Variants in OPRM1 observed in about 807,000 individuals in gnomAD.
OPRM1 encodes opioid receptor mu 1.
Under a neutral mutation model 31.8 loss-of-function variants are expected in OPRM1, and 27 were observed. The observed-to-expected ratio is 0.85, with a 90% CI of 0.63 to 1.17. The LOEUF (loss-of-function observed/expected upper bound fraction) is 1.17, where lower values mean the gene tolerates loss of function less well. OPRM1 is among the 50% of genes most tolerant of loss of function. The pLI is 0.00. For synonymous variants in OPRM1, 196 were observed against 189.9 expected (o/e 1.03, Z -0.26); for missense variants, 536 against 511.1 (o/e 1.05, Z -0.47).
chr6:154,231,566 G>A (rs1209334574), intron 3 of OPRM1, among the ~76,000 whole-genome samples: 3 of 152,218 alleles, frequency 2.0e-5, no homozygotes, highest in African/African-American at 4.8e-5. Flanking sequence ...CATACAACGC[G>A]TAGAGCAATC....
chr6:154,159,637 T>C (rs192193378), intron 3 of OPRM1: 6 of 592,396 alleles, frequency 1.0e-5, no homozygotes, highest in East Asian at 8.7e-5. Flanking sequence ...TCTCAATGGA[T>C]GCGTTACGAC....
At chr6:154,181,779 G>C (rs1179821806) in intron 3 of OPRM1, among the ~76,000 whole-genome samples, 6 of 152,136 alleles carry the variant, frequency 3.9e-5, no homozygotes, top group Non-Finnish European at 7.4e-5. Context: ...CAGCAATCTA[G>C]GACACAAACC....
At chr6:154,107,502 AG>A in intron 3 of OPRM1, 2 of 718,588 alleles carry the variant, frequency 2.8e-6, no homozygotes, top group South Asian at 3.0e-5. Flanking sequence ...GAAAATGCAA[AG>A]CCTTGGCCAC....
At chr6:154,107,706 C>T (rs1795802880) in intron 3 of OPRM1, 1 of 718,372 alleles carries the variant, frequency 1.4e-6, no homozygotes, top group Non-Finnish European at 2.6e-6. Context: ...GGTCAAGCTC[C>T]CAAGGTGGAG....
intron 3 of OPRM1, among the ~76,000 whole-genome samples, chr6:154,198,722 G>C (rs9322450): frequency 0.031 from 4,705 of 151,636 alleles, 220 homozygotes; most frequent in African/African-American, 0.11. Flanking sequence ...AATTAAATTA[G>C]CAGGGTACCC....
At chr6:154,103,107 G>A (rs1369076017) in intron 3 of OPRM1, among the ~76,000 whole-genome samples, 3 of 152,034 alleles carry the variant, frequency 2.0e-5, no homozygotes, top group African/African-American at 7.3e-5. Context: ...CTCTGAATGA[G>A]GTCAAATCTC....
At chr6:154,043,849 T>A (rs976343917) in intron 1 of OPRM1, among the ~76,000 whole-genome samples, 1 of 152,118 alleles carries the variant, frequency 6.6e-6, no homozygotes, top group African/African-American at 2.4e-5. Flanking sequence ...GAACTTTAAG[T>A]GCTATTTTCC....
At chr6:154,207,070 G>A (rs1390131064) in intron 3 of OPRM1, among the ~76,000 whole-genome samples, 1 of 152,182 alleles carries the variant, frequency 6.6e-6, no homozygotes, top group Non-Finnish European at 1.5e-5. Context: ...GAGAGAGAGA[G>A]GGACTAGAGA....
At chr6:154,064,949 T>C (rs1219593614) in intron 1 of OPRM1, among the ~76,000 whole-genome samples, 1 of 152,148 alleles carries the variant, frequency 6.6e-6, no homozygotes, top group East Asian at 1.9e-4. Context: ...TCCTTCTTTT[T>C]CAAGATTATT....
intron 3 of OPRM1, among the ~76,000 whole-genome samples, chr6:154,115,799 T>C (rs1796811663): frequency 6.6e-6 from 1 of 152,216 alleles, no homozygotes; most frequent in Non-Finnish European, 1.5e-5. Flanking sequence ...AATCTGTTTC[T>C]ATAAAGGAAC....
At chr6:154,074,328 G>A (rs528648100) in intron 1 of OPRM1, 1 of 152,308 alleles carries the variant, frequency 6.6e-6, no homozygotes, top group South Asian at 2.1e-4. Flanking sequence ...TGACACATAA[G>A]TGTTTGTTAA....
intron 3 of OPRM1, among the ~76,000 whole-genome samples, chr6:154,105,954 A>AT (rs1055604911): frequency 3.9e-5 from 6 of 152,166 alleles, no homozygotes; most frequent in Non-Finnish European, 5.9e-5. Context: ...AACCATTTAC[A>AT]TTTTTTTGTG....
intron 1 of OPRM1, among the ~76,000 whole-genome samples, chr6:154,011,561 A>G (rs1053233002): frequency 2.0e-5 from 3 of 152,192 alleles, no homozygotes; most frequent in African/African-American, 4.8e-5. Flanking sequence ...AAAGAATTTA[A>G]GCCCAAGTAA....
chr6:154,110,919 A>G (rs1166416406), intron 3 of OPRM1, among the ~76,000 whole-genome samples: 1 of 147,452 alleles, frequency 6.8e-6, no homozygotes, highest in Non-Finnish European at 1.5e-5. Flanking sequence ...AGAGAGAATT[A>G]GGACTCATTT....
intron 3 of OPRM1, among the ~76,000 whole-genome samples, chr6:154,141,914 A>G (rs1798223110): frequency 6.6e-6 from 1 of 152,112 alleles, no homozygotes; most frequent in Non-Finnish European, 1.5e-5. Context: ...TTCCTTTCAC[A>G]TCTCCCAATC....
Position 154,039,288 on chromosome 6 carries a change from T to G in OPRM1, c.-257T>G. 1 of 1,551,308 alleles carries G rather than the reference T, an allele frequency of 6.4e-7. No individual in the cohort carries two copies. Among genetic ancestry groups the G allele is most frequent in the East Asian group, 2.4e-5 (1 of 40,912 alleles). On this transcript the variant is annotated 5_prime_UTR_variant, in exon 1 of 4. Coordinates refer to ENST00000330432, the MANE Select transcript of OPRM1 (RefSeq NM_000914.5). Reference sequence around the variant, plus strand: ...TCCCGCATGGCCCACGCTCCCCTCCTGCAGCGGTGCGGGGCAGGTGATGAG... The same window carrying G: ...TCCCGCATGGCCCACGCTCCCCTCCGGCAGCGGTGCGGGGCAGGTGATGAG...
intron 3 of OPRM1, among the ~76,000 whole-genome samples, chr6:154,195,492 G>A (rs1287440673): frequency 1.3e-5 from 2 of 152,072 alleles, no homozygotes; most frequent in Non-Finnish European, 2.9e-5. Flanking sequence ...TCACCCTGAT[G>A]AGAAATGGTC....
At chr6:154,146,378 C>A (rs1316204397) in intron 3 of OPRM1, among the ~76,000 whole-genome samples, 2 of 152,052 alleles carry the variant, frequency 1.3e-5, no homozygotes, top group Non-Finnish European at 2.9e-5. Context: ...CTAGTCTGGG[C>A]AACAGAACAA....
At chr6:154,045,429 T>G (rs1197221744) in intron 1 of OPRM1, among the ~76,000 whole-genome samples, 1 of 152,112 alleles carries the variant, frequency 6.6e-6, no homozygotes, top group Non-Finnish European at 1.5e-5. Flanking sequence ...GGACCCAATA[T>G]ATAAAACAGA....
Sources: gnomAD v4.1 joint callset for allele counts (sites outside exome capture counted in the v4.1 genomes callset) on GRCh38, gnomAD v4.1.1 for gene constraint, MANE v1.5 for transcripts, NCBI Gene and HGNC (gene_info 2026-07-23, HGNC 2026-07-21) for gene names.